Variants in TOM1 observed in about 807,000 individuals in gnomAD.
The protein encoded by TOM1 is target of Myb protein 1.
TOM1 carries 38 observed loss-of-function variants against 61.3 expected under a neutral mutation model. That is an observed-to-expected ratio of 0.62 (90% CI 0.48 to 0.81). TOM1 has a LOEUF of 0.81. Ranked by LOEUF, TOM1 falls within the 40% of genes least tolerant of loss-of-function variation. The pLI, the probability that TOM1 is intolerant of heterozygous loss-of-function variation, is 0.00. For synonymous variants in TOM1, 270 were observed against 268.8 expected, an observed-to-expected ratio of 1.00 and a Z score of -0.04; for missense variants, 591 against 659.6, an observed-to-expected ratio of 0.90 and a Z score of 1.14.
At chr22:35,328,701 G>A (rs1324462423) in intron 7 of TOM1, among the ~76,000 whole-genome samples, 1 of 152,220 alleles carries the variant, frequency 6.6e-6, no homozygotes, top group African/African-American at 2.4e-5. Flanking sequence ...GGAAATCCCG[G>A]AGGCCTGACC....
intron 1 of TOM1, among the ~76,000 whole-genome samples, chr22:35,313,162 C>T (rs944662544): frequency 6.6e-6 from 1 of 152,094 alleles, no homozygotes; most frequent in Admixed American, 6.5e-5. Context: ...GCCTGACCAA[C>T]ATGGTGAAGC....
chr22:35,302,404 T>G (rs1275774679), intron 1 of TOM1, among the ~76,000 whole-genome samples: 2 of 147,698 alleles, frequency 1.4e-5, no homozygotes, highest in Non-Finnish European at 3.0e-5. Flanking sequence ...GGCACCATCT[T>G]GGCTCACTGC....
intron 10 of TOM1, 47 bp downstream of exon 10, chr22:35,333,544 G>A (rs1195669405): frequency 6.4e-7 from 1 of 1,569,412 alleles, no homozygotes; most frequent in Non-Finnish European, 8.8e-7. Context: ...TTATGGTACT[G>A]TGGGCACCCC....
intron 6 of TOM1, 123 bp from the exon 7 acceptor site, chr22:35,327,147 AG>A: frequency 1.2e-6 from 1 of 860,276 alleles, no homozygotes; most frequent in Non-Finnish European, 1.9e-6. Context: ...CTGCCTAGAG[AG>A]GCTGCTGGGA....
chr22:35,333,133 G>A (rs550607883), intron 9 of TOM1, 119 bp downstream of exon 9: 209 of 1,163,646 alleles, frequency 1.8e-4, no homozygotes, highest in Non-Finnish European at 2.4e-4. Context: ...CAGGCCCATA[G>A]AGAAATCCCC....
intron 6 of TOM1, among the ~76,000 whole-genome samples, chr22:35,324,917 A>C (rs1037006126): frequency 2.0e-5 from 3 of 152,244 alleles, no homozygotes; most frequent in African/African-American, 7.2e-5. Context: ...CTAGCTTTGA[A>C]GGATTACCCA....
chr22:35,338,890 G>A (rs564595102), intron 12 of TOM1, 102 bp downstream of exon 12: 31 of 1,087,364 alleles, frequency 2.9e-5, no homozygotes, highest in South Asian at 1.7e-4. Flanking sequence ...GGCCCAGCAC[G>A]TCCACAGGCC....
At chr22:35,333,258 G>A (rs1187119048) in intron 9 of TOM1, 146 bp from the exon 10 acceptor site, 12 of 840,362 alleles carry the variant, frequency 1.4e-5, no homozygotes, top group Middle Eastern at 3.6e-4. Flanking sequence ...CCAGAGGGGA[G>A]GAAGGAAATT....
Position 35,338,765 on chromosome 22 carries a change from G to C in TOM1, c.1201G>C (p.Ala401Pro). The C allele has an allele frequency of 6.2e-7, 1 of 1,601,252 alleles. No individual in the cohort carries two copies. The highest frequency in any genetic ancestry group is 8.5e-7 in the Non-Finnish European group (1 of 1,175,028). Residue 401 changes from alanine (A) to proline (P), a missense_variant, in exon 12 of 15, where the codon GCC becomes CCC. Coordinates refer to ENST00000449058, the MANE Select transcript of TOM1 (RefSeq NM_005488.3). ...ATDGLAGALD[A>P]RQQSTGAIPV... is the part of the protein sequence containing the mutation. ...AGACGGCCTGGCTGGAGCCCTGGAC[G>C]CCCGGCAGCAGAGCACTGGCGCGGT...
intron 1 of TOM1, among the ~76,000 whole-genome samples, chr22:35,309,316 C>T (rs1298680971): frequency 3.3e-5 from 5 of 152,088 alleles, no homozygotes; most frequent in Admixed American, 3.3e-4. Context: ...TGCATCCCAT[C>T]CTCCCAACTT....
At chr22:35,315,260 G>C (rs79872497) in intron 1 of TOM1, among the ~76,000 whole-genome samples, 6,618 of 152,200 alleles carry the variant, frequency 0.043, 201 homozygotes, top group Non-Finnish European at 0.063. Flanking sequence ...GCAGGACTTC[G>C]TGGCCTTTAG....
At chr22:35,344,250 G>T (rs947593042) in intron 12 of TOM1, 6 of 152,438 alleles carry the variant, frequency 3.9e-5, no homozygotes, top group African/African-American at 1.2e-4. Flanking sequence ...GTGAGACAAG[G>T]CATGGTGAGC....
chr22:35,312,654 C>T (rs550113510), intron 1 of TOM1, among the ~76,000 whole-genome samples: 8 of 152,172 alleles, frequency 5.3e-5, no homozygotes, highest in Non-Finnish European at 1.0e-4. Context: ...GAGGGTGTGA[C>T]GTGCTTATTA....
chr22:35,317,938 C>T lies in TOM1; in HGVS notation c.114C>T (p.Asp38=), dbSNP rs57755951. The T allele has an allele frequency of 2.6e-3, 4,217 of 1,614,132 alleles. 101 individuals carry two copies. In the African/African-American group the frequency reaches 0.049, roughly 19 times the overall value. ...EDWALNMEIC[D]IINETEEGPK... ...GGGCCCTCAACATGGAGATCTGCGA[C>T]ATCATCAACGAGACGGAGGAAGGGT... is the stretch of plus-strand genomic sequence containing the variant. The change falls in exon 2 of 15, where the codon GAC becomes GAT. Residue 38 remains aspartate (D), a synonymous_variant. Coordinates refer to ENST00000449058, the MANE Select transcript of TOM1 (RefSeq NM_005488.3).
At chr22:35,302,477 C>T (rs1225262546) in intron 1 of TOM1, among the ~76,000 whole-genome samples, 2 of 151,268 alleles carry the variant, frequency 1.3e-5, no homozygotes, top group Non-Finnish European at 2.9e-5. Context: ...GCCGGGATTA[C>T]AGGCACGCTC....
chr22:35,341,019 A>C (rs916976735), intron 12 of TOM1, among the ~76,000 whole-genome samples: 1 of 152,180 alleles, frequency 6.6e-6, no homozygotes, highest in African/African-American at 2.4e-5. Context: ...CACCAAGCAC[A>C]GCACATTGCA....
intron 1 of TOM1, among the ~76,000 whole-genome samples, chr22:35,301,982 G>C (rs1186373454): frequency 6.6e-6 from 1 of 152,226 alleles, no homozygotes; most frequent in Non-Finnish European, 1.5e-5. Context: ...TGGCTTCAAA[G>C]TCAGCCACAT....
rs1930555006 is a variant in TOM1 at position 35,346,938 on chromosome 22, T to C, written c.1293T>C (p.Asp431=). 4 of 1,612,724 alleles carry C rather than the reference T, an allele frequency of 2.5e-6. No individual in the cohort carries two copies. The highest frequency in any genetic ancestry group is 2.2e-5 in the East Asian group (1 of 44,872). The change falls in exon 14 of 15, where the codon GAT becomes GAC. Residue 431 remains aspartate, a synonymous_variant. Coordinates refer to ENST00000449058, the MANE Select transcript of TOM1 (RefSeq NM_005488.3). ...TCCTTCTACCTTCCCAGGGTAATGA[T>C]GCGGAAGAGCCTAAGGGGGTCACCA... ...EQWLSTDVGN[D]AEEPKGVTSE...
intron 1 of TOM1, among the ~76,000 whole-genome samples, chr22:35,303,377 A>G (rs1203513763): frequency 6.6e-6 from 1 of 152,124 alleles, no homozygotes; most frequent in East Asian, 1.9e-4. Flanking sequence ...TGTTACTAAC[A>G]GCATCTGCCT....
Sources: gnomAD v4.1 joint callset for allele counts (sites outside exome capture counted in the v4.1 genomes callset) on GRCh38, gnomAD v4.1.1 for gene constraint, MANE v1.5 for transcripts, NCBI Gene and HGNC (gene_info 2026-07-23, HGNC 2026-07-21) for gene names.